ST8SIA2: variants seen among roughly 807,000 people sequenced by gnomAD.
ST8SIA2 encodes the protein ST8 alpha-N-acetyl-neuraminide alpha-2,8-sialyltransferase 2.
A neutral mutation model predicts 37.6 loss-of-function variants in ST8SIA2; 22 were observed. The observed-to-expected ratio is 0.58, with a 90% CI of 0.42 to 0.83. The LOEUF (loss-of-function observed/expected upper bound fraction) is 0.83. Ranked by LOEUF, ST8SIA2 falls within the 40% of genes least tolerant of loss-of-function variation. The pLI is 0.00. For missense variants in ST8SIA2, 382 were observed against 484.7 expected (o/e 0.79, Z 1.99); for synonymous variants, 205 against 201.2 (o/e 1.02, Z -0.16).
At chr15:92,418,723 G>A (rs1305260048) in intron 1 of ST8SIA2, among the ~76,000 whole-genome samples, 3 of 152,030 alleles carry the variant, frequency 2.0e-5, no homozygotes, top group African/African-American at 4.8e-5. Context: ...ATATTCAAAC[G>A]GTATAGAAAA....
intron 1 of ST8SIA2, among the ~76,000 whole-genome samples, chr15:92,411,444 G>T (rs1352423516): frequency 6.6e-6 from 1 of 152,170 alleles, no homozygotes; most frequent in African/African-American, 2.4e-5. Flanking sequence ...GCACTCTCGG[G>T]ACAGTCAGTA....
At chr15:92,407,004 AAAAAG>A (rs1342280100) in intron 1 of ST8SIA2, among the ~76,000 whole-genome samples, 4 of 150,604 alleles carry the variant, frequency 2.7e-5, no homozygotes, top group East Asian at 1.9e-4. Context: ...CAAAAAAAAA[AAAAAG>A]AAAAGAAAAA....
rs2049832735 is a variant in ST8SIA2, at chr15:92,445,116, T to A, written c.842+187T>A. 4 of 834,850 alleles carry A rather than the reference T, an allele frequency of 4.8e-6. No homozygotes were observed. In the South Asian group the frequency reaches 5.0e-5, roughly 10 times the overall value. The allele number at this position is 834,850 out of a possible 1,614,324, so 51.7% of individuals were successfully genotyped here. On this transcript the variant is annotated intron_variant, in intron 5 of 5. Transcript: ENST00000268164. ...AGATGAGGGGGTTTGGCAAGTGGGT[T>A]TCATCTGGCATGCCAATTTTGACCA...
chr15:92,413,356 A>T (rs2049563707), intron 1 of ST8SIA2, among the ~76,000 whole-genome samples: 1 of 152,214 alleles, frequency 6.6e-6, no homozygotes, highest in African/African-American at 2.4e-5. Context: ...TACTCTTCAC[A>T]GTTCACCCTT....
intron 4 of ST8SIA2, among the ~76,000 whole-genome samples, chr15:92,439,540 G>A (rs983474194): frequency 1.3e-5 from 2 of 152,158 alleles, no homozygotes; most frequent in African/African-American, 2.4e-5. Flanking sequence ...TATTTCTGTG[G>A]GGACCAACTC....
intron 1 of ST8SIA2, among the ~76,000 whole-genome samples, chr15:92,407,812 G>A (rs1388965168): frequency 6.6e-6 from 1 of 152,198 alleles, no homozygotes; most frequent in East Asian, 1.9e-4. Flanking sequence ...TAGGGCAAGG[G>A]ATATTGGTAT....
chr15:92,427,826 A>G (rs1298568972), intron 1 of ST8SIA2, among the ~76,000 whole-genome samples: 2 of 152,214 alleles, frequency 1.3e-5, no homozygotes, highest in African/African-American at 4.8e-5. Context: ...TCTACTAAAA[A>G]TACAAAAATT....
chr15:92,402,855 G>C (rs1445989848), intron 1 of ST8SIA2, among the ~76,000 whole-genome samples: 1 of 151,442 alleles, frequency 6.6e-6, no homozygotes, highest in Non-Finnish European at 1.5e-5. Context: ...TTACCAGAGA[G>C]AGAGAGAGAG....
intron 1 of ST8SIA2, among the ~76,000 whole-genome samples, chr15:92,402,950 T>G (rs1428767898): frequency 1.3e-5 from 2 of 150,740 alleles, no homozygotes; most frequent in Non-Finnish European, 3.0e-5. Flanking sequence ...GACAGAAGAG[T>G]TGGTGCTGTC....
intron 1 of ST8SIA2, chr15:92,421,435 T>C (rs914106527): frequency 3.3e-5 from 5 of 152,118 alleles, no homozygotes; most frequent in African/African-American, 1.2e-4. Flanking sequence ...CAGCCAAAAA[T>C]AGAAAAATTC....
At chr15:92,409,436 TTTTA>T (rs2049533400) in intron 1 of ST8SIA2, among the ~76,000 whole-genome samples, 1 of 152,216 alleles carries the variant, frequency 6.6e-6, no homozygotes. Flanking sequence ...GTAGTGTTGT[TTTTA>T]TTTTCTGTCT....
intron 1 of ST8SIA2, among the ~76,000 whole-genome samples, chr15:92,415,781 G>A (rs539552437): frequency 6.6e-6 from 1 of 152,294 alleles, no homozygotes; most frequent in African/African-American, 2.4e-5. Context: ...ATGACCCAGG[G>A]CTGGCAGTGT....
intron 1 of ST8SIA2, among the ~76,000 whole-genome samples, chr15:92,402,849 C>CAG (rs58104024): frequency 0.31 from 45,849 of 149,486 alleles, 8,119 homozygotes; most frequent in Middle Eastern, 0.41. Context: ...ATCTCATTAC[C>CAG]AGAGAGAGAG....
At chr15:92,439,213 T>A (rs2049782994) in intron 4 of ST8SIA2, among the ~76,000 whole-genome samples, 2 of 90,126 alleles carry the variant, frequency 2.2e-5, no homozygotes, top group Admixed American at 2.1e-4. Flanking sequence ...TTTGCAAAAC[T>A]CTTTGTAAGT....
chr15:92,432,298 G>T (rs1474087325), intron 2 of ST8SIA2, among the ~76,000 whole-genome samples: 9 of 152,182 alleles, frequency 5.9e-5, no homozygotes, highest in Non-Finnish European at 1.2e-4. Flanking sequence ...ATTCTGTGTC[G>T]CTGAGGTCAG....
intron 1 of ST8SIA2, among the ~76,000 whole-genome samples, chr15:92,419,101 G>A (rs1031736646): frequency 1.3e-5 from 2 of 152,130 alleles, no homozygotes; most frequent in Non-Finnish European, 2.9e-5. Context: ...CCAGACCCAG[G>A]GAGCCCCAGT....
chr15:92,422,995 G>A (rs1358520173), intron 1 of ST8SIA2, among the ~76,000 whole-genome samples: 1 of 152,214 alleles, frequency 6.6e-6, no homozygotes, highest in Non-Finnish European at 1.5e-5. Flanking sequence ...TACGTGCTGT[G>A]TGTCAGATGA....
rs376326017 is a variant in ST8SIA2 at position 92,463,474 on chromosome 15, C to T, written c.843-626C>T. On this transcript the variant is annotated intron_variant, in intron 5 of 5. Transcript: ENST00000268164. ...GACAGCAAGGAAATCTGAAGACGCT[C>T]AGGAGGCAAGGATGGAATCAGGAAT... is the stretch of plus-strand genomic sequence containing the variant. 1.1e-4 allele frequency among the ~76,000 whole-genome samples: 16 copies of T among 152,294 alleles called. No individual in the cohort carries two copies. In the East Asian group the frequency reaches 2.3e-3, roughly 22 times the overall value.
chr15:92,445,489 C>G (rs563853610), intron 5 of ST8SIA2, among the ~76,000 whole-genome samples: 2 of 152,296 alleles, frequency 1.3e-5, no homozygotes, highest in Admixed American at 6.5e-5. Flanking sequence ...CTTTATGTCT[C>G]AGTGCAATAT....
Sources: allele counts gnomAD v4.1 joint callset (sites outside exome capture counted in the v4.1 genomes callset), GRCh38; gene constraint gnomAD v4.1.1; transcripts MANE v1.5; gene names NCBI Gene and HGNC (gene_info 2026-07-23, HGNC 2026-07-21).